The following DDI2 variants were observed in gnomAD, a reference collection of about 807,000 sequenced individuals.
The protein encoded by DDI2 is DDI proteasomal shuttling factor 2.
DDI2 carries 5 observed loss-of-function variants against 48.1 expected under a neutral mutation model. The observed-to-expected ratio is 0.10, with a 90% CI of 0.05 to 0.22. The LOEUF (loss-of-function observed/expected upper bound fraction) is 0.22. Among genes scored for constraint, DDI2 ranks in the 10% least tolerant of loss-of-function variants. DDI2 has a pLI of 1.00. For synonymous variants in DDI2, 205 were observed against 183.6 expected (o/e 1.12, Z -0.94); for missense variants, 285 against 506.2 (o/e 0.56, Z 4.19).
intron 5 of DDI2, among the ~76,000 whole-genome samples, chr1:15,640,163 C>T (rs542248105): frequency 6.6e-6 from 1 of 152,150 alleles, no homozygotes; most frequent in African/African-American, 2.4e-5. Flanking sequence ...TGACTGGAGC[C>T]TCAGAGGTCC....
At chr1:15,635,098 A>G (rs1639907470) in intron 4 of DDI2, among the ~76,000 whole-genome samples, 1 of 151,988 alleles carries the variant, frequency 6.6e-6, no homozygotes, top group Non-Finnish European at 1.5e-5. Context: ...GTGTGGTGGC[A>G]TGCACCTGCA....
chr1:15,643,680 T>C, intron 6 of DDI2, 30 bp downstream of exon 6: 1 of 1,610,928 alleles, frequency 6.2e-7, no homozygotes, highest in Non-Finnish European at 8.5e-7. Context: ...GCTTGCTGTC[T>C]TTCTGTAGGC....
intron 1 of DDI2, among the ~76,000 whole-genome samples, chr1:15,625,636 C>T (rs1226578584): frequency 1.3e-5 from 2 of 152,106 alleles, no homozygotes; most frequent in Non-Finnish European, 2.9e-5. Flanking sequence ...CCTCCCACCA[C>T]CCCACCAAGA....
rs760878485 is a variant in DDI2, at chr1:15,649,854, A to G, written c.993+31A>G. 94 of 1,588,794 alleles carry G rather than the reference A, an allele frequency of 5.9e-5. No homozygotes were observed. The Admixed American group carries it at 1.4e-3, about 24-fold the overall frequency. On this transcript the variant is annotated intron_variant, in intron 7 of 9. Coordinates refer to ENST00000480945, the MANE Select transcript of DDI2 (RefSeq NM_032341.5). ...TAAGAGCTTCACTTATTTTTTTTGC[A>G]TCTGCTTTTTGTAATATGGTCATTA...
intron 1 of DDI2, among the ~76,000 whole-genome samples, chr1:15,620,293 C>G (rs1477820104): frequency 6.6e-6 from 1 of 152,068 alleles, no homozygotes; most frequent in Non-Finnish European, 1.5e-5. Context: ...GGTTGTCTTT[C>G]ACTTGCTTGC....
Position 15,663,015 on chromosome 1 carries a change from C to A in DDI2, c.*3225C>A, listed in dbSNP as rs1640404693. 1 of 152,086 alleles carries A rather than the reference C, an allele frequency of 6.6e-6. No individual in the cohort carries two copies. Among genetic ancestry groups the A allele is most frequent in the African/African-American group, 2.4e-5 (1 of 41,400 alleles). 9.4% of individuals were successfully genotyped at this position (152,086 alleles called of 1,614,324 possible). A position where few individuals can be genotyped will look rare whatever the true frequency, so the allele number is the denominator to read the frequency against. ...CCCTTGGAAATCATTGTCCTGTGGG[C>A]CCCACTGTGCAATAATCCTACTGGA... On this transcript the variant is annotated 3_prime_UTR_variant, in exon 10 of 10. Coordinates refer to ENST00000480945, the MANE Select transcript of DDI2 (RefSeq NM_032341.5).
At chr1:15,639,959 C>CA (rs1639981687) in intron 5 of DDI2, among the ~76,000 whole-genome samples, 3 of 151,352 alleles carry the variant, frequency 2.0e-5, no homozygotes, top group Admixed American at 2.0e-4. Flanking sequence ...TCAGGGCTTG[C>CA]AGTGAGCTGT....
intron 1 of DDI2, among the ~76,000 whole-genome samples, chr1:15,623,191 G>A (rs917010937): frequency 9.2e-5 from 14 of 152,124 alleles, no homozygotes; most frequent in Admixed American, 7.9e-4. Context: ...ATGGGGATGC[G>A]TTGAGCAGTG....
chr1:15,651,317 C>T lies in DDI2; in HGVS notation c.994-389C>T, dbSNP rs187457363. The stretch of plus-strand genomic sequence containing the variant: ...CTGTCTATTAAGTAGTTATAAAATA[C>T]ACAAAAAAGGAAGTTAGCATTAGCA... On this transcript the variant is annotated intron_variant, in intron 7 of 9. Coordinates refer to ENST00000480945, the MANE Select transcript of DDI2 (RefSeq NM_032341.5). Among the ~76,000 whole-genome samples the T allele has an allele frequency of 1.1e-3, 172 of 152,164 alleles. 1 individual carries two copies. Among genetic ancestry groups the T allele is most frequent in the African/African-American group, 3.9e-3 (163 of 41,516 alleles).
intron 9 of DDI2, 150 bp from the exon 10 acceptor site, chr1:15,659,687 A>T: frequency 1.4e-6 from 1 of 697,082 alleles, no homozygotes; most frequent in Non-Finnish European, 2.1e-6. Context: ...ATGAGAAAGT[A>T]ATTTTAAAAT....
rs371779555 is a variant in DDI2, at chr1:15,628,851, A to G, written c.269-1474A>G. Among the ~76,000 whole-genome samples the G allele has an allele frequency of 7.9e-5, 12 of 152,210 alleles. No individual in the cohort carries two copies. The East Asian group carries it at 2.3e-3, about 29-fold the overall frequency. On this transcript the variant is annotated intron_variant, in intron 2 of 9. Transcript: ENST00000480945. ...AGAAATCCTATACCCATTTATAGTC[A>G]TTTCCCATTTCCCCCTAGTCTCCGC...
At chr1:15,655,768 G>GA (rs1640262698) in intron 8 of DDI2, among the ~76,000 whole-genome samples, 1 of 135,432 alleles carries the variant, frequency 7.4e-6, no homozygotes, top group Middle Eastern at 3.8e-3. Context: ...AAAAAAAAAA[G>GA]AAAAAAAATT....
intron 4 of DDI2, among the ~76,000 whole-genome samples, chr1:15,638,086 A>C (rs979081599): frequency 6.6e-5 from 10 of 152,146 alleles, no homozygotes; most frequent in Non-Finnish European, 1.3e-4. Context: ...GTGTTTTACA[A>C]AGGGTAATTT....
intron 8 of DDI2, among the ~76,000 whole-genome samples, chr1:15,654,301 C>T (rs898224646): frequency 1.3e-5 from 2 of 152,084 alleles, no homozygotes; most frequent in Non-Finnish European, 2.9e-5. Flanking sequence ...ATGGAGTTTT[C>T]CAGGTTGACT....
intron 2 of DDI2, chr1:15,627,044 T>G: frequency 2.0e-6 from 1 of 491,664 alleles, no homozygotes. Flanking sequence ...GCATGTAAAA[T>G]CTTAGCACAC....
rs573684770 is a variant in DDI2, at chr1:15,668,376, A to T, written c.*8586A>T. ...TTCCCATTTGAATGACTAGATTTCT[A>T]TTCTATCCCCGATCATCCTTTTGAA... On this transcript the variant is annotated 3_prime_UTR_variant, in exon 10 of 10. Transcript: ENST00000480945. The T allele has an allele frequency of 6.6e-6, 1 of 152,194 alleles. No homozygotes were observed. The highest frequency in any genetic ancestry group is 2.4e-5 in the African/African-American group (1 of 41,448). The allele number at this position is 152,194 out of a possible 1,614,324, so 9.4% of individuals were successfully genotyped here. A position where few individuals can be genotyped will look rare whatever the true frequency, so the allele number is the denominator to read the frequency against.
chr1:15,627,151 A>T (rs894059138), intron 2 of DDI2: 3 of 184,826 alleles, frequency 1.6e-5, no homozygotes, highest in African/African-American at 7.1e-5. Flanking sequence ...TAAGCCTATG[A>T]TTTTGCTACT....
intron 9 of DDI2, among the ~76,000 whole-genome samples, chr1:15,658,870 C>T (rs1354429491): frequency 3.9e-5 from 6 of 152,056 alleles, no homozygotes; most frequent in Admixed American, 1.3e-4. Flanking sequence ...TACACTGAGC[C>T]GTCTTGTTTG....
At chr1:15,635,096 G>T (rs1639907388) in intron 4 of DDI2, among the ~76,000 whole-genome samples, 1 of 152,010 alleles carries the variant, frequency 6.6e-6, no homozygotes, top group South Asian at 2.1e-4. Flanking sequence ...AGGTGTGGTG[G>T]CATGCACCTG....
Sources: allele counts gnomAD v4.1 joint callset (sites outside exome capture counted in the v4.1 genomes callset), GRCh38; gene constraint gnomAD v4.1.1; transcripts MANE v1.5; gene names NCBI Gene and HGNC (gene_info 2026-07-23, HGNC 2026-07-21).